Variants in SNCAIP observed in about 807,000 individuals in gnomAD.
The protein encoded by SNCAIP is synphilin-1.
Under a neutral mutation model 86.7 loss-of-function variants are expected in SNCAIP, and 43 were observed. The ratio of observed to expected loss-of-function variants is 0.50; its 90% CI spans 0.39 to 0.64. The LOEUF (loss-of-function observed/expected upper bound fraction) is 0.64. Among genes scored for constraint, SNCAIP ranks in the 30% least tolerant of loss-of-function variants. The pLI, the probability that SNCAIP is intolerant of heterozygous loss-of-function variation, is 0.00. For synonymous variants in SNCAIP, 417 were observed against 427.2 expected, an observed-to-expected ratio of 0.98 and a Z score of 0.29; for missense variants, 981 against 1,103.1, an observed-to-expected ratio of 0.89 and a Z score of 1.57.
In SNCAIP at chr5:122,432,054, T is replaced by A; in HGVS notation, c.1268T>A (p.Leu423His). 1 of 1,594,100 alleles carries A rather than the reference T, an allele frequency of 6.3e-7. No homozygotes were observed. Among genetic ancestry groups the A allele is most frequent in the South Asian group, 1.1e-5 (1 of 90,652 alleles). Residue 423 changes from leucine to histidine, a missense_variant, in exon 6 of 11, where the codon CTT becomes CAT. Leu to His is a moderately conservative substitution (Grantham distance 99). Coordinates refer to ENST00000261368, the MANE Select transcript of SNCAIP (RefSeq NM_005460.4). ...ELSCSKDFPS[L>H]IHYAGCYGQE... The stretch of plus-strand genomic sequence containing the variant: ...AGTTGTTCTAAGGATTTTCCAAGCC[T>A]TATTCATTACGCAGGTTGCTATGGC...
At chr5:122,320,946 T>C (rs533470686) in intron 1 of SNCAIP, among the ~76,000 whole-genome samples, 1 of 152,308 alleles carries the variant, frequency 6.6e-6, no homozygotes, top group African/African-American at 2.4e-5. Context: ...TTTGTAGCCC[T>C]TGATGGGTCG....
chr5:122,405,352 T>G (rs1378271069), intron 3 of SNCAIP, among the ~76,000 whole-genome samples: 1 of 152,184 alleles, frequency 6.6e-6, no homozygotes, highest in Non-Finnish European at 1.5e-5. Context: ...TTTCTTTAAT[T>G]GGATGTAGGG....
chr5:122,370,171 C>T lies in SNCAIP; in HGVS notation c.-46-20918C>T, dbSNP rs118162397. Among the ~76,000 whole-genome samples the T allele has an allele frequency of 4.3e-4, 65 of 152,048 alleles. No homozygotes were observed. In the East Asian group the frequency reaches 8.9e-3, roughly 21 times the overall value. On this transcript the variant is annotated intron_variant, in intron 1 of 10. Transcript: ENST00000261368. ...ATTGTACACAGGTATCAAAATATTA[C>T]GTTTCCAAAATATATACATCTATTA...
intron 1 of SNCAIP, among the ~76,000 whole-genome samples, chr5:122,330,950 G>C (rs1755210527): frequency 6.6e-6 from 1 of 151,754 alleles, no homozygotes; most frequent in African/African-American, 2.4e-5. Flanking sequence ...GAGACAGTGA[G>C]AGATCATCAG....
In SNCAIP at chr5:122,451,382, G is replaced by T. The variant is rs958668039; in HGVS notation, c.2535G>T (p.Gln845His). Reference sequence around the variant, plus strand: ...ACAAAGATAAGGGCAGGACTCTCCAGCGGACCTCCACAAGTAACGAATCGG... The same window carrying T: ...ACAAAGATAAGGGCAGGACTCTCCATCGGACCTCCACAAGTAACGAATCGG... Reference protein sequence around the residue: ...EKDKDKGRTLQRTSTSNESGD... With the variant: ...EKDKDKGRTLHRTSTSNESGD... Residue 845 changes from glutamine to histidine, a missense_variant, in exon 10 of 11, where the codon CAG (glutamine) becomes CAT (histidine). Transcript: ENST00000261368. 7 of 1,613,436 alleles carry T rather than the reference G, an allele frequency of 4.3e-6. No individual in the cohort carries two copies. The highest frequency in any genetic ancestry group is 1.7e-5 in the Admixed American group (1 of 60,004).
chr5:122,454,731 T>C (rs1784379302), intron 10 of SNCAIP, among the ~76,000 whole-genome samples: 1 of 152,186 alleles, frequency 6.6e-6, no homozygotes. Context: ...CACAAATAGT[T>C]GGCAAACTCC....
At chr5:122,345,723 C>T (rs114911536) in intron 1 of SNCAIP, among the ~76,000 whole-genome samples, 60 of 152,206 alleles carry the variant, frequency 3.9e-4, no homozygotes, top group African/African-American at 1.4e-3. Context: ...AGAGACAACA[C>T]AGTCATGGTT....
chr5:122,397,846 G>C (rs1561665095), intron 2 of SNCAIP, among the ~76,000 whole-genome samples: 3 of 151,900 alleles, frequency 2.0e-5, no homozygotes, highest in Admixed American at 1.3e-4. Flanking sequence ...AAAGAAACTG[G>C]AAAGAAGTTT....
intron 2 of SNCAIP, among the ~76,000 whole-genome samples, chr5:122,396,751 A>T (rs1345164228): frequency 1.8e-4 from 28 of 151,984 alleles, no homozygotes; most frequent in Admixed American, 1.8e-3. Context: ...ATAGTACTAA[A>T]CTCCATTCTT....
At chr5:122,418,389 T>A (rs1775723662) in intron 3 of SNCAIP, among the ~76,000 whole-genome samples, 1 of 152,224 alleles carries the variant, frequency 6.6e-6, no homozygotes, top group Non-Finnish European at 1.5e-5. Flanking sequence ...CTGTACTATG[T>A]TTATTTAATA....
At chr5:122,432,344 G>A (rs984461808) in intron 6 of SNCAIP, among the ~76,000 whole-genome samples, 2 of 151,968 alleles carry the variant, frequency 1.3e-5, no homozygotes, top group African/African-American at 4.8e-5. Context: ...TCATTATATA[G>A]TACTAAACAA....
intron 1 of SNCAIP, among the ~76,000 whole-genome samples, chr5:122,328,623 C>T (rs1477934226): frequency 2.0e-5 from 3 of 152,168 alleles, no homozygotes; most frequent in African/African-American, 7.2e-5. Context: ...ATTACTGCAG[C>T]AACATCTTAA....
In SNCAIP at chr5:122,444,740, GCCTGTTGGTT is replaced by G; in HGVS notation, c.1592+11_1592+20del. ...AACCAAGCAGCTAAAGGAGTAAGTG[GCCTGTTGGTT>G]CCATGAGAACCAAGTCTAACTCATT... is the stretch of plus-strand genomic sequence containing the variant. On this transcript the variant is annotated intron_variant, in intron 8 of 10. Coordinates refer to ENST00000261368, the MANE Select transcript of SNCAIP (RefSeq NM_005460.4). 1.9e-6 allele frequency: 3 copies of G among 1,612,564 alleles called. No individual in the cohort carries two copies. Among genetic ancestry groups the G allele is most frequent in the Non-Finnish European group, 2.5e-6 (3 of 1,178,676 alleles).
chr5:122,315,394 A>G (rs1425604413), intron 1 of SNCAIP, among the ~76,000 whole-genome samples: 1 of 152,204 alleles, frequency 6.6e-6, no homozygotes, highest in African/African-American at 2.4e-5. Context: ...ACAACCTGCA[A>G]TGCAAAAGCA....
intron 5 of SNCAIP, among the ~76,000 whole-genome samples, chr5:122,430,097 A>G (rs532158494): frequency 6.6e-6 from 1 of 152,182 alleles, no homozygotes; most frequent in Non-Finnish European, 1.5e-5. Context: ...CATTATCCAA[A>G]TGGAATAAAA....
intron 1 of SNCAIP, among the ~76,000 whole-genome samples, chr5:122,345,853 T>G (rs1022767004): frequency 1.2e-4 from 18 of 152,010 alleles, no homozygotes; most frequent in Middle Eastern, 3.4e-3. Flanking sequence ...GGGTCTCGCT[T>G]TGTTTCCCAG....
rs191778628 is a variant in SNCAIP, at chr5:122,313,636, C to T, written c.-47+1352C>T. On this transcript the variant is annotated intron_variant, in intron 1 of 10. Coordinates refer to ENST00000261368, the MANE Select transcript of SNCAIP (RefSeq NM_005460.4). ...TAGGAAAGCAGTATGCTAATGTGTA[C>T]ACATCTGGGAGAGAAAGTCTATTGA... Among the ~76,000 whole-genome samples the T allele has an allele frequency of 6.8e-4, 103 of 152,352 alleles. 1 individual carries two copies. Among genetic ancestry groups the T allele is most frequent in the Middle Eastern group, 3.4e-3 (1 of 294 alleles).
intron 1 of SNCAIP, among the ~76,000 whole-genome samples, chr5:122,358,437 A>C (rs1464074911): frequency 7.0e-6 from 1 of 142,622 alleles, no homozygotes; most frequent in Non-Finnish European, 1.5e-5. Flanking sequence ...AATGCCCTTG[A>C]GTTTGCCATT....
rs530545806 is a variant in SNCAIP, at chr5:122,404,435, C to T, written c.130+570C>T. On this transcript the variant is annotated intron_variant, in intron 3 of 10. Coordinates refer to ENST00000261368, the MANE Select transcript of SNCAIP (RefSeq NM_005460.4). ...AGCTGGTCGACCTTTTCTCTTTACA[C>T]CCCCAACCCCCAAGAATAAAAAAGT... 1.1e-4 allele frequency among the ~76,000 whole-genome samples: 16 copies of T among 152,242 alleles called. No individual in the cohort carries two copies. In the South Asian group the frequency reaches 2.9e-3, roughly 28 times the overall value.
Sources: allele counts gnomAD v4.1 joint callset (sites outside exome capture counted in the v4.1 genomes callset), GRCh38; gene constraint gnomAD v4.1.1; transcripts MANE v1.5; gene names NCBI Gene and HGNC (gene_info 2026-07-23, HGNC 2026-07-21).